Variants in PCYT1A observed in about 807,000 individuals in gnomAD.
The protein encoded by PCYT1A is choline-phosphate cytidylyltransferase A.
A neutral mutation model predicts 43.7 loss-of-function variants in PCYT1A; 25 were observed. That is an observed-to-expected ratio of 0.57 (90% CI 0.42 to 0.80). The LOEUF (loss-of-function observed/expected upper bound fraction) is 0.80, where lower values mean the gene tolerates loss of function less well. PCYT1A is among the 30% of genes least tolerant of loss of function. The probability of loss-of-function intolerance (pLI) is 0.00; values close to 1 mark genes in which losing one functional copy is unlikely to be tolerated. For synonymous variants in PCYT1A, 172 were observed against 170.7 expected (o/e 1.01, Z -0.06); for missense variants, 421 against 474.2 (o/e 0.89, Z 1.04).
intron 1 of PCYT1A, among the ~76,000 whole-genome samples, chr3:196,284,009 T>C (rs960806323): frequency 6.6e-6 from 1 of 152,204 alleles, no homozygotes; most frequent in Non-Finnish European, 1.5e-5. Flanking sequence ...AAAATGACTT[T>C]TACAAAAATG....
chr3:196,242,027 A>G lies in PCYT1A; in HGVS notation c.629T>C (p.Val210Ala). ...ISTSDIITRIVRDYDVYARRN... is the reference protein window; with the variant it reads ...ISTSDIITRIARDYDVYARRN... Reference sequence around the variant, plus strand: ...CCTCGCATACACATCATAATCCCGCACAATTCGGGTGATGATGTCTGATGT... The same window carrying G: ...CCTCGCATACACATCATAATCCCGCGCAATTCGGGTGATGATGTCTGATGT... Residue 210 changes from valine to alanine, a missense_variant, in exon 7 of 9, where the codon GTG (valine) becomes GCG (alanine). This residue lies in a region of PCYT1A where 174 missense variants were observed against 270.7 expected (regional missense o/e 0.64). Coordinates refer to ENST00000431016, the MANE Select transcript of PCYT1A (RefSeq NM_001312673.2). The surrounding 1 kb of genome is among the most constrained non-coding windows in gnomAD (Gnocchi z 4.2). 1 of 1,614,116 alleles carries G rather than the reference A, an allele frequency of 6.2e-7. No individual in the cohort carries two copies. Among genetic ancestry groups the G allele is most frequent in the Non-Finnish European group, 8.5e-7 (1 of 1,179,988 alleles).
chr3:196,263,757 G>C (rs765418155), intron 2 of PCYT1A, among the ~76,000 whole-genome samples: 8 of 151,878 alleles, frequency 5.3e-5, no homozygotes, highest in Non-Finnish European at 8.8e-5. Context: ...CTCAGCCTCC[G>C]GAGTAGCTGG....
chr3:196,255,931 T>G (rs1230167481), intron 3 of PCYT1A, among the ~76,000 whole-genome samples: 1 of 152,200 alleles, frequency 6.6e-6, no homozygotes, highest in Non-Finnish European at 1.5e-5. Context: ...TTCTGGCGTT[T>G]TGAAGTTAGA....
At position 196,242,927 on chromosome 3, in the gene PCYT1A, T is replaced by G. The variant is rs1481258709; in HGVS notation, c.487-287A>C. ...ATACCAGTCATCTTGCTGTGGTCAA[T>G]AGGGCCAGAGGGTTTGCTGGTGAAC... On this transcript the variant is annotated intron_variant, in intron 5 of 8. Transcript: ENST00000431016. The surrounding 1 kb of genome is among the most constrained non-coding windows in gnomAD (Gnocchi z 4.2). 2.4e-6 allele frequency: 1 copy of G among 414,684 alleles called. No individual in the cohort carries two copies. The highest frequency in any genetic ancestry group is 4.5e-6 in the Non-Finnish European group (1 of 223,462). The allele number at this position is 414,684 out of a possible 1,614,324, so 25.7% of individuals were successfully genotyped here. A position where few individuals can be genotyped will look rare whatever the true frequency, so the allele number is the denominator to read the frequency against.
intron 1 of PCYT1A, among the ~76,000 whole-genome samples, chr3:196,286,403 T>C (rs973262039): frequency 1.3e-5 from 2 of 152,190 alleles, no homozygotes; most frequent in East Asian, 3.8e-4. Flanking sequence ...CATAGAATCA[T>C]TACATTTTAG....
At chr3:196,266,247 C>T (rs866850981) in intron 2 of PCYT1A, among the ~76,000 whole-genome samples, 63 of 151,474 alleles carry the variant, frequency 4.2e-4, no homozygotes, top group African/African-American at 1.1e-3. Flanking sequence ...TCGAGGCGGG[C>T]GGATCACGAG....
intron 5 of PCYT1A, chr3:196,243,040 G>A (rs1459280861): frequency 5.0e-6 from 1 of 201,482 alleles, no homozygotes; most frequent in African/African-American, 2.3e-5. Context: ...CTAAAAGTAT[G>A]AGAAAGGCCA....
chr3:196,248,847 C>G (rs1395825316), intron 3 of PCYT1A, among the ~76,000 whole-genome samples: 1 of 151,974 alleles, frequency 6.6e-6, no homozygotes, highest in African/African-American at 2.4e-5. Context: ...ACCTGCAACT[C>G]CCGGATTCAA....
chr3:196,281,827 A>T (rs551031743), intron 1 of PCYT1A, among the ~76,000 whole-genome samples: 253 of 152,286 alleles, frequency 1.7e-3, no homozygotes, highest in African/African-American at 5.3e-3. Flanking sequence ...CCTCCCAAGT[A>T]GCTAGGACTA....
rs1215835801 is a variant in PCYT1A at position 196,235,360 on chromosome 3, T to A, written c.*3328A>T. On this transcript the variant is annotated 3_prime_UTR_variant, in exon 9 of 9. Coordinates refer to ENST00000431016, the MANE Select transcript of PCYT1A (RefSeq NM_001312673.2). The surrounding 1 kb of genome is among the most constrained non-coding windows in gnomAD (Gnocchi z 4.3). ...CAGGTGCAGCCTAAGGAGTCATCAGTGATCAGAAAGTGGCTAAGTTTCCTT... is the reference window on the plus strand; with the variant it reads ...CAGGTGCAGCCTAAGGAGTCATCAGAGATCAGAAAGTGGCTAAGTTTCCTT... The A allele has an allele frequency of 6.6e-6, 1 of 152,242 alleles. No individual in the cohort carries two copies. Among genetic ancestry groups the A allele is most frequent in the Non-Finnish European group, 1.5e-5 (1 of 68,062 alleles). 9.4% of individuals were successfully genotyped at this position (152,242 alleles called of 1,614,324 possible). A position where few individuals can be genotyped will look rare whatever the true frequency, so the allele number is the denominator to read the frequency against.
intron 2 of PCYT1A, among the ~76,000 whole-genome samples, chr3:196,270,050 T>G (rs931321389): frequency 1.3e-5 from 2 of 152,110 alleles, no homozygotes; most frequent in Non-Finnish European, 2.9e-5. Flanking sequence ...ATTTTGTATT[T>G]TTAGTAAAGA....
rs757086233 is a variant in PCYT1A, at chr3:196,238,639, C to T, written c.*49G>A. The T allele has an allele frequency of 8.8e-6, 11 of 1,249,958 alleles. No homozygotes were observed. Among genetic ancestry groups the T allele is most frequent in the African/African-American group, 1.6e-5 (1 of 64,228 alleles). The allele number at this position is 1,249,958 out of a possible 1,614,324, so 77.4% of individuals were successfully genotyped here. ...CAATTTGGAATTCAACAGAGAGCTT[C>T]TGAAGGTAATGGGACAGAAAGGGAG... On this transcript the variant is annotated 3_prime_UTR_variant, in exon 9 of 9. Transcript: ENST00000431016.
At chr3:196,274,460 T>C (rs577702080) in intron 1 of PCYT1A, among the ~76,000 whole-genome samples, 1 of 152,248 alleles carries the variant, frequency 6.6e-6, no homozygotes, top group Non-Finnish European at 1.5e-5. Flanking sequence ...AGTTGCGTTT[T>C]TCTTAAGTAA....
intron 1 of PCYT1A, among the ~76,000 whole-genome samples, chr3:196,281,103 A>G (rs1020431604): frequency 1.3e-5 from 2 of 152,222 alleles, no homozygotes; most frequent in African/African-American, 4.8e-5. Flanking sequence ...GTATTTTTCT[A>G]TCAGCATATC....
intron 1 of PCYT1A, among the ~76,000 whole-genome samples, chr3:196,272,571 G>A (rs1213782432): frequency 6.6e-6 from 1 of 152,032 alleles, no homozygotes; most frequent in Non-Finnish European, 1.5e-5. Flanking sequence ...CACCCACCTC[G>A]ACCTCCCAAA....
chr3:196,258,598 T>C (rs1725015594), intron 2 of PCYT1A, among the ~76,000 whole-genome samples: 1 of 152,114 alleles, frequency 6.6e-6, no homozygotes, highest in Non-Finnish European at 1.5e-5. Flanking sequence ...CTGGATTTTT[T>C]TTTTTTTTTG....
Position 196,238,449 on chromosome 3 carries a change from G to A in PCYT1A, c.*239C>T. On this transcript the variant is annotated 3_prime_UTR_variant, in exon 9 of 9. Transcript: ENST00000431016. Reference sequence around the variant, plus strand: ...AAACAGTGAAACAAAGCCCTTGGGGGGGGGTAAATGGATGCAGAGCAGGCT... The same window carrying A: ...AAACAGTGAAACAAAGCCCTTGGGGAGGGGTAAATGGATGCAGAGCAGGCT... 5.5e-6 allele frequency: 2 copies of A among 361,780 alleles called. No individual in the cohort carries two copies. The highest frequency in any genetic ancestry group is 4.9e-6 in the Non-Finnish European group (1 of 202,042). The allele number at this position is 361,780 out of a possible 1,614,324, so 22.4% of individuals were successfully genotyped here. A position where few individuals can be genotyped will look rare whatever the true frequency, so the allele number is the denominator to read the frequency against.
chr3:196,286,880 C>G (rs1725929007), intron 1 of PCYT1A, among the ~76,000 whole-genome samples: 1 of 152,186 alleles, frequency 6.6e-6, no homozygotes, highest in East Asian at 1.9e-4. Context: ...CGCCACTGCG[C>G]TCCAGCCTGG....
At chr3:196,258,201 G>A (rs896816892) in intron 2 of PCYT1A, among the ~76,000 whole-genome samples, 5 of 150,644 alleles carry the variant, frequency 3.3e-5, no homozygotes, top group African/African-American at 4.9e-5. Context: ...CAGGAGAATC[G>A]CTTGAACCCG....
Sources: gnomAD v4.1 joint callset for allele counts (sites outside exome capture counted in the v4.1 genomes callset) on GRCh38, gnomAD v4.1.1 for gene constraint, gnomAD v4.1.1 regional missense constraint, Gnocchi (gnomAD v3.1) non-coding constraint, MANE v1.5 for transcripts, NCBI Gene and HGNC (gene_info 2026-07-23, HGNC 2026-07-21) for gene names.